Variants in SIDT1 observed in about 807,000 individuals in gnomAD.
The protein encoded by SIDT1 is SID1 transmembrane family, member 1.
A neutral mutation model predicts 107.5 loss-of-function variants in SIDT1; 101 were observed. That is an observed-to-expected ratio of 0.94 (90% CI 0.80 to 1.11). The LOEUF is 1.11. Ranked by LOEUF, SIDT1 falls within the 50% of genes least tolerant of loss-of-function variation. The probability of loss-of-function intolerance (pLI) is 0.00; values close to 1 mark genes in which losing one functional copy is unlikely to be tolerated. For synonymous variants in SIDT1, 395 were observed against 398.2 expected (o/e 0.99, Z 0.10); for missense variants, 1,076 against 1,058.2 (o/e 1.02, Z -0.23).
At chr3:113,558,973 A>G (rs1941164191) in intron 1 of SIDT1, among the ~76,000 whole-genome samples, 1 of 152,156 alleles carries the variant, frequency 6.6e-6, no homozygotes, top group Admixed American at 6.5e-5. Context: ...GCTCCTCTCA[A>G]TTTATCTTCT....
chr3:113,546,585 T>G (rs777825430), intron 1 of SIDT1, among the ~76,000 whole-genome samples: 9 of 152,222 alleles, frequency 5.9e-5, no homozygotes, highest in Non-Finnish European at 1.2e-4. Flanking sequence ...ACTGTTTTAC[T>G]GATGTGATGG....
At chr3:113,573,637 T>C (rs1333897557) in intron 3 of SIDT1, among the ~76,000 whole-genome samples, 1 of 152,154 alleles carries the variant, frequency 6.6e-6, no homozygotes, top group African/African-American at 2.4e-5. Flanking sequence ...TGGGAGATGA[T>C]TAGGTCGTGA....
chr3:113,585,316 T>C, intron 9 of SIDT1, 46 bp downstream of exon 9: 1 of 1,380,410 alleles, frequency 7.2e-7, no homozygotes, highest in South Asian at 1.2e-5. Context: ...TGCCTGTCTC[T>C]GTGTAACGCT....
In SIDT1 at chr3:113,583,494, A is replaced by C. The variant is rs749088053; in HGVS notation, c.833A>C (p.Gln278Pro). 1 of 1,586,272 alleles carries C rather than the reference A, an allele frequency of 6.3e-7. No individual in the cohort carries two copies. Among genetic ancestry groups the C allele is most frequent in the East Asian group, 2.2e-5 (1 of 44,556 alleles). ...DYACGGSFFI[Q>P]EKENQTWNLQ... ...GCCTGTGGAGGATCTTTCTTCATCCAGGGTAAGAGCTAGTGAGGAACACTT... is the reference window on the plus strand; with the variant it reads ...GCCTGTGGAGGATCTTTCTTCATCCCGGGTAAGAGCTAGTGAGGAACACTT... Residue 278 changes from glutamine to proline, a missense_variant and splice_region_variant, in exon 7 of 25, where the codon CAG (glutamine) becomes CCG (proline). Coordinates refer to ENST00000264852, the MANE Select transcript of SIDT1 (RefSeq NM_017699.3).
chr3:113,620,729 G>A (rs1439900046), intron 21 of SIDT1, among the ~76,000 whole-genome samples: 1 of 152,152 alleles, frequency 6.6e-6, no homozygotes, highest in Middle Eastern at 3.2e-3. Context: ...GAGGATTCTT[G>A]GGCAGTGGTC....
intron 21 of SIDT1, 119 bp from the exon 22 acceptor site, chr3:113,623,308 A>G: frequency 1.8e-6 from 1 of 548,392 alleles, no homozygotes; most frequent in Non-Finnish European, 3.2e-6. Context: ...AACTAAAAAT[A>G]AAAGTTAAAA....
intron 1 of SIDT1, among the ~76,000 whole-genome samples, chr3:113,560,218 G>T (rs915582459): frequency 7.9e-5 from 12 of 152,294 alleles, no homozygotes; most frequent in African/African-American, 2.6e-4. Context: ...GGCAATGGCA[G>T]GACCTATGTG....
intron 1 of SIDT1, among the ~76,000 whole-genome samples, chr3:113,533,510 G>A (rs912508669): frequency 3.3e-5 from 5 of 152,200 alleles, no homozygotes; most frequent in Admixed American, 6.5e-5. Flanking sequence ...CACCGTCTGC[G>A]GGTCCTGGGT....
At chr3:113,566,588 C>T (rs1941937981) in intron 2 of SIDT1, 47 bp downstream of exon 2, 1 of 1,592,722 alleles carries the variant, frequency 6.3e-7, no homozygotes, top group Admixed American at 1.8e-5. Context: ...TAGTTTTCTT[C>T]AATGTCCTAG....
chr3:113,583,130 G>C (rs1236655991), intron 6 of SIDT1, among the ~76,000 whole-genome samples: 3 of 152,028 alleles, frequency 2.0e-5, no homozygotes, highest in Non-Finnish European at 4.4e-5. Context: ...TTATTTATAT[G>C]GTGCTTATTA....
intron 19 of SIDT1, chr3:113,615,163 G>A: frequency 7.0e-7 from 1 of 1,419,586 alleles, no homozygotes; most frequent in Non-Finnish European, 9.6e-7. Context: ...CCTGCTCCCT[G>A]AACAGCCTCT....
chr3:113,540,733 A>C (rs1938728910), intron 1 of SIDT1, among the ~76,000 whole-genome samples: 1 of 152,186 alleles, frequency 6.6e-6, no homozygotes, highest in African/African-American at 2.4e-5. Flanking sequence ...ACAAGTAACC[A>C]TTAAAAAATT....
intron 23 of SIDT1, 25 bp from the exon 24 acceptor site, chr3:113,626,077 C>A (rs771572800): frequency 1.3e-6 from 2 of 1,504,376 alleles, no homozygotes; most frequent in African/African-American, 2.8e-5. Context: ...GAATCTTGCC[C>A]ATGTCCTGCC....
chr3:113,535,153 A>C (rs9852064), intron 1 of SIDT1, among the ~76,000 whole-genome samples: 20,270 of 152,192 alleles, frequency 0.13, 1,873 homozygotes, highest in African/African-American at 0.26. Flanking sequence ...ATGCGCCTGT[A>C]GTCCCAGCTA....
intron 10 of SIDT1, among the ~76,000 whole-genome samples, chr3:113,596,423 A>G (rs1221597822): frequency 8.5e-5 from 13 of 152,234 alleles, no homozygotes; most frequent in Non-Finnish European, 1.9e-4. Flanking sequence ...AGCTCCAACT[A>G]TAATAAAAAG....
intron 1 of SIDT1, among the ~76,000 whole-genome samples, chr3:113,538,026 A>T (rs559453928): frequency 6.6e-6 from 1 of 151,856 alleles, no homozygotes; most frequent in Non-Finnish European, 1.5e-5. Flanking sequence ...CACGTGATCC[A>T]CCCACCTCAG....
At chr3:113,630,082 T>A (rs1482699561), downstream of SIDT1, among the ~76,000 whole-genome samples, 1 of 152,016 alleles carries the variant, frequency 6.6e-6, no homozygotes, top group Admixed American at 6.6e-5. Flanking sequence ...CTATGCTAAC[T>A]CTTGCCTGGG....
chr3:113,590,338 C>A (rs564091066), intron 9 of SIDT1: 11 of 152,322 alleles, frequency 7.2e-5, no homozygotes, highest in Admixed American at 2.0e-4. Context: ...GAGAATGTAT[C>A]AAAACATGGG....
intron 5 of SIDT1, 143 bp from the exon 6 acceptor site, chr3:113,581,218 A>AGGGG: frequency 1.5e-6 from 1 of 677,802 alleles, no homozygotes; most frequent in Non-Finnish European, 2.6e-6. Flanking sequence ...TGACTGTTCA[A>AGGGG]GGGGGGAAAT....
Sources: allele counts gnomAD v4.1 joint callset (sites outside exome capture counted in the v4.1 genomes callset), GRCh38; gene constraint gnomAD v4.1.1; transcripts MANE v1.5; gene names NCBI Gene and HGNC (gene_info 2026-07-23, HGNC 2026-07-21).